SYNE2: variants seen among roughly 807,000 people sequenced by gnomAD.
SYNE2 encodes nesprin-2.
A neutral mutation model predicts 856.3 loss-of-function variants in SYNE2; 431 were observed. The observed-to-expected ratio is 0.50, with a 90% CI of 0.47 to 0.55. The LOEUF (loss-of-function observed/expected upper bound fraction) is 0.55. Among genes scored for constraint, SYNE2 ranks in the 20% least tolerant of loss-of-function variants. The probability of loss-of-function intolerance (pLI) is 0.00; values close to 1 mark genes in which losing one functional copy is unlikely to be tolerated. For synonymous variants in SYNE2, 2,923 were observed against 2,872.3 expected, an observed-to-expected ratio of 1.02 and a Z score of -0.56; for missense variants, 8,129 against 8,023.2, an observed-to-expected ratio of 1.01 and a Z score of -0.50.
At chr14:64,098,531 C>T (rs1344805662) in intron 62 of SYNE2, 7 of 616,886 alleles carry the variant, frequency 1.1e-5, no homozygotes, top group Admixed American at 5.5e-5. Context: ...TATGAAGGGG[C>T]ACAGGGGGCC....
chr14:64,181,146 A>C (rs969935055), intron 96 of SYNE2, among the ~76,000 whole-genome samples: 1 of 151,898 alleles, frequency 6.6e-6, no homozygotes, highest in African/African-American at 2.4e-5. Flanking sequence ...CCTTCAGAAC[A>C]TTGTTAAGCA....
chr14:63,948,739 G>GTATAT (rs1566883369), intron 6 of SYNE2, among the ~76,000 whole-genome samples: 3 of 102,260 alleles, frequency 2.9e-5, no homozygotes, highest in Non-Finnish European at 5.6e-5. Context: ...TATGTGTATA[G>GTATAT]ATATGTGTGT....
intron 23 of SYNE2, among the ~76,000 whole-genome samples, chr14:63,996,400 C>T (rs1388293468): frequency 2.0e-5 from 3 of 152,134 alleles, no homozygotes; most frequent in East Asian, 1.9e-4. Context: ...TCACCAGTTC[C>T]CCATACCCCC....
At chr14:64,075,654 T>A (rs906731835) in intron 53 of SYNE2, 1 of 346,932 alleles carries the variant, frequency 2.9e-6, no homozygotes, top group Non-Finnish European at 5.4e-6. Context: ...GCAATGGAGA[T>A]ACAATTAAAT....
chr14:64,174,007 G>A, intron 94 of SYNE2: 1 of 642,178 alleles, frequency 1.6e-6, no homozygotes, highest in Non-Finnish European at 2.7e-6. Context: ...CAGTCACGGA[G>A]CTGTAACACC....
intron 2 of SYNE2, among the ~76,000 whole-genome samples, chr14:63,923,262 C>T (rs1036688112): frequency 1.3e-5 from 2 of 152,122 alleles, no homozygotes; most frequent in Admixed American, 6.5e-5. Flanking sequence ...CGCAGAGAGC[C>T]GGGAGCTATG....
chr14:64,208,962 C>T lies in SYNE2; in HGVS notation c.18389+17C>T. On this transcript the variant is annotated intron_variant, in intron 101 of 115. Coordinates refer to ENST00000555002, the MANE Select transcript of SYNE2 (RefSeq NM_182914.3). ...GCGCATGAAGTAAGAACTAAGCTCC[C>T]CCAAATGCCTTCAGCGTGGTCAGCC... is the stretch of plus-strand genomic sequence containing the variant. 6.2e-7 allele frequency: 1 copy of T among 1,612,688 alleles called. No homozygotes were observed. The highest frequency in any genetic ancestry group is 1.3e-5 in the African/African-American group (1 of 75,050).
rs965438384 is a variant in SYNE2 at position 64,038,836 on chromosome 14, AGAGAGGGAGAGGGAGACCGTGGGGAGAGG to A, written c.7221+7496_7221+7524del. Among the ~76,000 whole-genome samples the A allele has an allele frequency of 4.6e-5, 7 of 151,648 alleles. No homozygotes were observed. In the South Asian group the frequency reaches 6.2e-4, roughly 14 times the overall value. On this transcript the variant is annotated intron_variant, in intron 45 of 115. Transcript: ENST00000555002. ...TCGGCATCAGAGGGAGACCGTGGAA[AGAGAGGGAGAGGGAGACCGTGGGGAGAGG>A]GAGAGGGAGAGGGAGAGGGAGAGCA...
chr14:64,122,847 A>G (rs2097908479), intron 70 of SYNE2, among the ~76,000 whole-genome samples: 1 of 152,182 alleles, frequency 6.6e-6, no homozygotes, highest in Non-Finnish European at 1.5e-5. Flanking sequence ...TCACGCCTGT[A>G]ATCCCAGCAC....
chr14:64,225,682 A>G lies in SYNE2; in HGVS notation c.*156A>G, dbSNP rs1192699462. The G allele has an allele frequency of 2.4e-6, 2 of 824,300 alleles. No homozygotes were observed. The highest frequency in any genetic ancestry group is 1.7e-5 in the African/African-American group (1 of 59,072). The allele number at this position is 824,300 out of a possible 1,614,324, so 51.1% of individuals were successfully genotyped here. A position where few individuals can be genotyped will look rare whatever the true frequency, so the allele number is the denominator to read the frequency against. On this transcript the variant is annotated 3_prime_UTR_variant, in exon 116 of 116. Coordinates refer to ENST00000555002, the MANE Select transcript of SYNE2 (RefSeq NM_182914.3). Reference sequence around the variant, plus strand: ...ACCCAGCACGGGCTCCCTGGAGCCCAGGGCAGCTTTCAGATTGTGTTCCTC... The same window carrying G: ...ACCCAGCACGGGCTCCCTGGAGCCCGGGGCAGCTTTCAGATTGTGTTCCTC...
chr14:63,888,033 A>G (rs1397907013), intron 1 of SYNE2, among the ~76,000 whole-genome samples: 1 of 152,240 alleles, frequency 6.6e-6, no homozygotes, highest in East Asian at 1.9e-4. Context: ...GATTACAGGC[A>G]TGAGCCACCG....
chr14:64,034,030 A>G (rs2097064753), intron 45 of SYNE2, among the ~76,000 whole-genome samples: 1 of 152,200 alleles, frequency 6.6e-6, no homozygotes, highest in African/African-American at 2.4e-5. Flanking sequence ...ACATTAGTCT[A>G]TTAAGGTCAA....
intron 78 of SYNE2, 63 bp downstream of exon 78, chr14:64,134,263 T>G: frequency 6.4e-7 from 1 of 1,553,722 alleles, no homozygotes; most frequent in Non-Finnish European, 8.9e-7. Context: ...TTACATTTGT[T>G]TTGACTAAGT....
intron 1 of SYNE2, among the ~76,000 whole-genome samples, chr14:63,880,361 G>A (rs923515146): frequency 2.0e-5 from 3 of 151,966 alleles, no homozygotes; most frequent in South Asian, 4.1e-4. Flanking sequence ...CAAAGTGCTG[G>A]GATTACAGGC....
intron 96 of SYNE2, among the ~76,000 whole-genome samples, chr14:64,180,568 G>A (rs1010482265): frequency 1.9e-4 from 29 of 150,978 alleles, no homozygotes; most frequent in Non-Finnish European, 4.0e-4. Context: ...GCAGTGGCAC[G>A]ATCTTGGCTC....
chr14:64,158,559 A>C, intron 85 of SYNE2, 66 bp from the exon 86 acceptor site: 33 of 1,537,812 alleles, frequency 2.1e-5, no homozygotes, highest in Non-Finnish European at 2.9e-5. Flanking sequence ...ACACAATGGT[A>C]GATCTGTTGG....
Position 64,052,391 on chromosome 14 carries a change from A to G in SYNE2, c.8478A>G (p.Ser2826=). 6.2e-7 allele frequency: 1 copy of G among 1,613,984 alleles called. No individual in the cohort carries two copies. Among genetic ancestry groups the G allele is most frequent in the Non-Finnish European group, 8.5e-7 (1 of 1,179,978 alleles). Reference sequence around the variant, plus strand: ...TGGTTTTAAAATCAACTCAAAGATCACAGCAATTAGAATTTAAGTTGGAAG... The same window carrying G: ...TGGTTTTAAAATCAACTCAAAGATCGCAGCAATTAGAATTTAAGTTGGAAG... ...QMLVLKSTQR[S]QQLEFKLEER... The change falls in exon 48 of 116, where the codon TCA becomes TCG. Residue 2826 remains serine (S), a synonymous_variant. Transcript: ENST00000555002.
chr14:64,118,436 A>G (rs1355506950), intron 66 of SYNE2, among the ~76,000 whole-genome samples: 4 of 152,180 alleles, frequency 2.6e-5, no homozygotes, highest in African/African-American at 9.7e-5. Flanking sequence ...TATTTCTTCT[A>G]TGGTGTTGTG....
At chr14:64,194,982 C>T (rs2098534555) in intron 99 of SYNE2, among the ~76,000 whole-genome samples, 1 of 152,186 alleles carries the variant, frequency 6.6e-6, no homozygotes, top group Non-Finnish European at 1.5e-5. Context: ...CTCCCCATTT[C>T]CTTAATGAGA....
Sources: gnomAD v4.1 joint callset for allele counts (sites outside exome capture counted in the v4.1 genomes callset) on GRCh38, gnomAD v4.1.1 for gene constraint, MANE v1.5 for transcripts, NCBI Gene and HGNC (gene_info 2026-07-23, HGNC 2026-07-21) for gene names.